The following HERC6 variants were observed in gnomAD, a reference collection of about 807,000 sequenced individuals.
HERC6 encodes HECT and RLD domain containing E3 ubiquitin protein ligase family member 6.
A neutral mutation model predicts 114.5 loss-of-function variants in HERC6; 101 were observed. The ratio of observed to expected loss-of-function variants is 0.88; its 90% CI spans 0.75 to 1.04. The LOEUF (loss-of-function observed/expected upper bound fraction) is 1.04, where lower values mean the gene tolerates loss of function less well. HERC6 is among the 50% of genes least tolerant of loss of function. The pLI is 0.00. For missense variants in HERC6, 1,133 were observed against 1,230.9 expected (o/e 0.92, Z 1.19); for synonymous variants, 408 against 436.2 (o/e 0.94, Z 0.81).
At chr4:88,389,640 T>C (rs1734785418) in intron 3 of HERC6, among the ~76,000 whole-genome samples, 1 of 152,024 alleles carries the variant, frequency 6.6e-6, no homozygotes, top group Non-Finnish European at 1.5e-5. Flanking sequence ...AGAGTGGACA[T>C]TGTTTGAAGG....
At chr4:88,379,523 G>C (rs1333568084) in intron 1 of HERC6, among the ~76,000 whole-genome samples, 3 of 150,306 alleles carry the variant, frequency 2.0e-5, no homozygotes, top group African/African-American at 7.4e-5. Context: ...ATAAATCCTC[G>C]CCTGCGCGGT....
chr4:88,414,892 A>T (rs2148907480), intron 12 of HERC6, among the ~76,000 whole-genome samples: 1 of 152,274 alleles, frequency 6.6e-6, no homozygotes, highest in Non-Finnish European at 1.5e-5. Context: ...ATGGTAGCCC[A>T]GTAGGTCTCA....
At chr4:88,419,620 G>T (rs1408663995) in intron 13 of HERC6, among the ~76,000 whole-genome samples, 1 of 152,160 alleles carries the variant, frequency 6.6e-6, no homozygotes, top group Admixed American at 6.5e-5. Context: ...TAGGCCTGGG[G>T]TGGTGCCAAA....
intron 8 of HERC6, among the ~76,000 whole-genome samples, chr4:88,401,659 T>C (rs781058313): frequency 2.6e-5 from 4 of 152,126 alleles, no homozygotes; most frequent in Non-Finnish European, 5.9e-5. Flanking sequence ...AGGTTGATGG[T>C]GGGAAGGTGA....
chr4:88,384,780 C>T (rs1343693871), intron 2 of HERC6, among the ~76,000 whole-genome samples: 2 of 151,938 alleles, frequency 1.3e-5, no homozygotes, highest in African/African-American at 4.8e-5. Flanking sequence ...AGCACTTTGG[C>T]AGGCCAAGGT....
chr4:88,392,830 A>G (rs2119322), intron 4 of HERC6, among the ~76,000 whole-genome samples: 41,128 of 152,132 alleles, frequency 0.27, 5,853 homozygotes, highest in African/African-American at 0.37. Context: ...TCTTCTAGCA[A>G]TGGCCAGTAC....
In HERC6 at chr4:88,413,140, G is replaced by A; in HGVS notation, c.1432G>A (p.Ala478Thr). ...TCCATGCCATTCTCCACACCAAGAAGCTTTATCAGTTTTCCTCCTGCTCCC... is the reference window on the plus strand; with the variant it reads ...TCCATGCCATTCTCCACACCAAGAAACTTTATCAGTTTTCCTCCTGCTCCC... ...ALPCHSPHQEALSVFLLLPEC... is the reference protein window; with the variant it reads ...ALPCHSPHQETLSVFLLLPEC... Residue 478 changes from alanine to threonine, a missense_variant, in exon 12 of 23, where the codon GCT (alanine) becomes ACT (threonine). Ala to Thr is a moderately conservative substitution (Grantham distance 58, BLOSUM62 0). Coordinates refer to ENST00000264346, the MANE Select transcript of HERC6 (RefSeq NM_017912.4). The A allele has an allele frequency of 2.5e-6, 4 of 1,613,564 alleles. No homozygotes were observed. The highest frequency in any genetic ancestry group is 3.4e-6 in the Non-Finnish European group (4 of 1,179,586).
chr4:88,431,414 T>C (rs1309025786), intron 17 of HERC6, 109 bp downstream of exon 17: 5 of 1,267,176 alleles, frequency 3.9e-6, no homozygotes, highest in Non-Finnish European at 5.4e-6. Flanking sequence ...AGAGCTTTGC[T>C]ACTCATATTT....
intron 12 of HERC6, among the ~76,000 whole-genome samples, chr4:88,413,941 A>G (rs757714481): frequency 2.0e-5 from 3 of 152,182 alleles, no homozygotes; most frequent in Non-Finnish European, 4.4e-5. Context: ...TTGAAAAAAT[A>G]CATCTAGGTG....
intron 19 of HERC6, among the ~76,000 whole-genome samples, chr4:88,437,274 C>G (rs1738858900): frequency 6.6e-6 from 1 of 152,048 alleles, no homozygotes; most frequent in Non-Finnish European, 1.5e-5. Flanking sequence ...CCAGGCTGGT[C>G]TCTAACTCCT....
intron 16 of HERC6, among the ~76,000 whole-genome samples, chr4:88,429,799 C>T (rs1018780711): frequency 2.6e-5 from 4 of 152,124 alleles, no homozygotes; most frequent in African/African-American, 9.7e-5. Flanking sequence ...TGTATGTCTC[C>T]CTTCATACCT....
intron 16 of HERC6, among the ~76,000 whole-genome samples, chr4:88,430,066 G>A (rs561512949): frequency 6.6e-6 from 1 of 152,220 alleles, no homozygotes; most frequent in East Asian, 1.9e-4. Flanking sequence ...AAGTGGGGCA[G>A]GCCCTTAAAC....
At chr4:88,412,241 TCAAA>T (rs1560549036) in intron 11 of HERC6, among the ~76,000 whole-genome samples, 2 of 152,218 alleles carry the variant, frequency 1.3e-5, no homozygotes, top group Non-Finnish European at 2.9e-5. Context: ...CAATGAATGT[TCAAA>T]CAAATATAAA....
chr4:88,389,416 G>A (rs1734775442), intron 3 of HERC6, among the ~76,000 whole-genome samples: 2 of 152,172 alleles, frequency 1.3e-5, no homozygotes, highest in African/African-American at 4.8e-5. Context: ...GATCAGTGAG[G>A]TGCTATTGTC....
Position 88,390,671 on chromosome 4 carries a change from G to A in HERC6, c.456G>A (p.Trp152Ter), listed in dbSNP as rs940324244. 17 of 1,602,894 alleles carry A rather than the reference G, an allele frequency of 1.1e-5. No homozygotes were observed. Among genetic ancestry groups the A allele is most frequent in the Non-Finnish European group, 1.5e-5 (17 of 1,171,342 alleles). Residue 152 changes from tryptophan to a stop codon, truncating the protein, a stop_gained, in exon 4 of 23, where the codon TGG (tryptophan) becomes TGA (stop). Transcript: ENST00000264346. LOFTEE classifies it high-confidence loss of function. ...ALSKDSQVFS[W>*]GKNSHGQLGL... is the part of the protein sequence containing the mutation. ...TTGTAGATAGCCAAGTGTTTTCGTG[G>A]GGAAAGAACAGCCATGGGCAGCTGG...
chr4:88,433,941 G>A (rs1357348182), intron 17 of HERC6, among the ~76,000 whole-genome samples: 2 of 152,178 alleles, frequency 1.3e-5, no homozygotes, highest in Non-Finnish European at 2.9e-5. Flanking sequence ...GCTAAGGTGT[G>A]CCAATGGTAT....
At chr4:88,436,871 T>C in intron 18 of HERC6, 34 bp from the exon 19 acceptor site, 1 of 1,464,626 alleles carries the variant, frequency 6.8e-7, no homozygotes. Context: ...ATAAGATCAA[T>C]AAATATAATT....
intron 4 of HERC6, among the ~76,000 whole-genome samples, chr4:88,392,453 G>A (rs190286170): frequency 1.3e-5 from 2 of 151,986 alleles, no homozygotes. Context: ...ACCTCCCAAA[G>A]CACTGGGATT....
chr4:88,411,804 C>T (rs574881438), intron 11 of HERC6, among the ~76,000 whole-genome samples: 2 of 152,334 alleles, frequency 1.3e-5, no homozygotes, highest in Admixed American at 1.3e-4. Context: ...AAATCCTCCA[C>T]TCAATCTTTT....
Sources: allele counts gnomAD v4.1 joint callset (sites outside exome capture counted in the v4.1 genomes callset), GRCh38; gene constraint gnomAD v4.1.1; transcripts MANE v1.5; gene names NCBI Gene and HGNC (gene_info 2026-07-23, HGNC 2026-07-21).